Variants in RORA observed in about 807,000 individuals in gnomAD.
The protein encoded by RORA is RAR related orphan receptor A.
In RORA, 7 loss-of-function variants were observed where a neutral mutation model predicts 69.5. The observed-to-expected ratio is 0.10, with a 90% CI of 0.06 to 0.19. The LOEUF (loss-of-function observed/expected upper bound fraction) is 0.19. Ranked by LOEUF, RORA falls within the 10% of genes least tolerant of loss-of-function variation. The pLI is 1.00. For missense variants in RORA, 457 were observed against 663.0 expected (o/e 0.69, Z 3.41); for synonymous variants, 261 against 240.8 (o/e 1.08, Z -0.78).
chr15:60,749,383 A>G (rs1399769295), intron 1 of RORA, among the ~76,000 whole-genome samples: 1 of 152,230 alleles, frequency 6.6e-6, no homozygotes. Context: ...ATGTAAATTA[A>G]TGGGATTTCT....
Position 60,492,635 on chromosome 15 carries a change from C to CTA in RORA, c.*4818_*4819dup, listed in dbSNP as rs976886412. On this transcript the variant is annotated 3_prime_UTR_variant, in exon 11 of 11. Transcript: ENST00000335670. ...TTGAAATAGTTTTTAACATATGATG[C>CTA]TATATATATATTTATCATGAATATT... 9 of 151,912 alleles carry CTA rather than the reference C, an allele frequency of 5.9e-5. 1 individual carries two copies. Among genetic ancestry groups the CTA allele is most frequent in the African/African-American group, 2.2e-4 (9 of 41,434 alleles). 9.4% of individuals were successfully genotyped at this position (151,912 alleles called of 1,614,324 possible).
chr15:60,815,798 T>TA (rs1288302989), intron 1 of RORA, among the ~76,000 whole-genome samples: 2 of 151,126 alleles, frequency 1.3e-5, no homozygotes, highest in Non-Finnish European at 2.9e-5. Flanking sequence ...TCTGATCTTT[T>TA]AAAAAAAATT....
intron 1 of RORA, among the ~76,000 whole-genome samples, chr15:60,787,124 T>A (rs758997672): frequency 6.6e-6 from 1 of 152,132 alleles, no homozygotes; most frequent in Non-Finnish European, 1.5e-5. Flanking sequence ...GCTGCAAAGG[T>A]GTAGTCCATG....
intron 1 of RORA, among the ~76,000 whole-genome samples, chr15:61,008,614 T>C (rs897790839): frequency 6.6e-5 from 10 of 152,170 alleles, no homozygotes; most frequent in South Asian, 2.1e-4. Flanking sequence ...TATGCTATCA[T>C]TTCCAAGAAT....
chr15:60,542,911 C>G (rs565639927), intron 2 of RORA, among the ~76,000 whole-genome samples: 16 of 151,480 alleles, frequency 1.1e-4, no homozygotes, highest in African/African-American at 3.9e-4. Context: ...ACCACAGATG[C>G]ACACCACACA....
chr15:60,819,063 C>G (rs1057292492), intron 1 of RORA, among the ~76,000 whole-genome samples: 1 of 152,218 alleles, frequency 6.6e-6, no homozygotes, highest in Non-Finnish European at 1.5e-5. Flanking sequence ...AACTTGGTCT[C>G]ACTCTCTGGT....
At chr15:60,980,629 T>C (rs751725021) in intron 1 of RORA, among the ~76,000 whole-genome samples, 1 of 152,144 alleles carries the variant, frequency 6.6e-6, no homozygotes, top group Admixed American at 6.5e-5. Context: ...TCTAGGACTT[T>C]GTCCATTTTA....
intron 1 of RORA, among the ~76,000 whole-genome samples, chr15:61,129,094 C>G (rs1214247527): frequency 6.6e-6 from 1 of 152,200 alleles, no homozygotes; most frequent in African/African-American, 2.4e-5. Context: ...AAATCAAACT[C>G]TGCATTTGGC....
At chr15:60,834,822 G>A (rs911377759) in intron 1 of RORA, among the ~76,000 whole-genome samples, 10 of 151,960 alleles carry the variant, frequency 6.6e-5, no homozygotes, top group Non-Finnish European at 1.3e-4. Flanking sequence ...AATGCCTCGA[G>A]TTTTCCTTGC....
At chr15:60,884,459 T>A (rs1429900804) in intron 1 of RORA, among the ~76,000 whole-genome samples, 2 of 152,168 alleles carry the variant, frequency 1.3e-5, no homozygotes, top group Non-Finnish European at 2.9e-5. Context: ...ATTTTATGTA[T>A]ATTTGACTAC....
chr15:61,158,163 G>A (rs2079462177), intron 1 of RORA, among the ~76,000 whole-genome samples: 3 of 152,202 alleles, frequency 2.0e-5, no homozygotes, highest in African/African-American at 7.2e-5. Flanking sequence ...TGTCCACAGA[G>A]TGTGGGATGA....
chr15:60,836,985 C>A (rs2073125088), intron 1 of RORA, among the ~76,000 whole-genome samples: 1 of 152,060 alleles, frequency 6.6e-6, no homozygotes, highest in East Asian at 1.9e-4. Flanking sequence ...AAAAATCCTT[C>A]AGTGGCTCCC....
chr15:60,854,126 G>A (rs1229154579), intron 1 of RORA, among the ~76,000 whole-genome samples: 1 of 152,152 alleles, frequency 6.6e-6, no homozygotes, highest in African/African-American at 2.4e-5. Context: ...GCTGGGCATG[G>A]TGGTGCGCAT....
In RORA at chr15:60,489,290, A is replaced by G. The variant is rs1203348023; in HGVS notation, c.*8165T>C. The G allele has an allele frequency of 6.6e-6, 1 of 152,264 alleles. No homozygotes were observed. The highest frequency in any genetic ancestry group is 6.5e-5 in the Admixed American group (1 of 15,294). 9.4% of individuals were successfully genotyped at this position (152,264 alleles called of 1,614,324 possible). On this transcript the variant is annotated 3_prime_UTR_variant, in exon 11 of 11. Coordinates refer to ENST00000335670, the MANE Select transcript of RORA (RefSeq NM_134261.3). The stretch of plus-strand genomic sequence containing the variant: ...CAGCAACTCTTCCACAAAAATGGAA[A>G]ATGTCTAGAATTGTGGATAAATATT...
At chr15:60,684,976 A>G (rs2070718923) in intron 1 of RORA, among the ~76,000 whole-genome samples, 1 of 152,200 alleles carries the variant, frequency 6.6e-6, no homozygotes, top group Non-Finnish European at 1.5e-5. Flanking sequence ...ATGGGAATAA[A>G]ATTCTTAGGA....
rs115816233 is a variant in RORA, at chr15:60,935,223, A to G, written c.167-256537T>C. The stretch of plus-strand genomic sequence containing the variant: ...AACCAGTCATTTGTTCCTGCACTAC[A>G]CCAAATAACCCATTTGCCTGTAATT... On this transcript the variant is annotated intron_variant, in intron 1 of 10. Transcript: ENST00000335670. 4.2e-3 allele frequency among the ~76,000 whole-genome samples: 636 copies of G among 152,330 alleles called. 5 individuals are homozygous for G. The highest frequency in any genetic ancestry group is 0.014 in the African/African-American group (593 of 41,582).
At chr15:60,747,696 C>G (rs139283173) in intron 1 of RORA, among the ~76,000 whole-genome samples, 2 of 152,040 alleles carry the variant, frequency 1.3e-5, no homozygotes, top group Admixed American at 1.3e-4. Flanking sequence ...TATGTGATTG[C>G]TGGAGGACAC....
chr15:60,826,789 C>CT (rs71904757), intron 1 of RORA, among the ~76,000 whole-genome samples: 1,304 of 99,330 alleles, frequency 0.013, 28 homozygotes, highest in African/African-American at 0.044. Context: ...CTCTCTCTCT[C>CT]TTTTTTTTTT....
intron 1 of RORA, among the ~76,000 whole-genome samples, chr15:61,212,343 C>T (rs968282759): frequency 1.2e-4 from 18 of 152,178 alleles, no homozygotes; most frequent in Non-Finnish European, 2.1e-4. Context: ...AAATGCAACC[C>T]GAAACAGCAA....
Sources: gnomAD v4.1 joint callset for allele counts (sites outside exome capture counted in the v4.1 genomes callset) on GRCh38, gnomAD v4.1.1 for gene constraint, MANE v1.5 for transcripts, NCBI Gene and HGNC (gene_info 2026-07-23, HGNC 2026-07-21) for gene names.